CCDC106: variants seen among roughly 807,000 people sequenced by gnomAD.
CCDC106 encodes the protein coiled-coil domain containing 106.
CCDC106 carries 17 observed loss-of-function variants against 24.7 expected under a neutral mutation model. The observed-to-expected ratio is 0.69, with a 90% CI of 0.47 to 1.03. The LOEUF is 1.03. Among genes scored for constraint, CCDC106 ranks in the 50% least tolerant of loss-of-function variants. The pLI, the probability that CCDC106 is intolerant of heterozygous loss-of-function variation, is 0.00. For missense variants in CCDC106, 337 were observed against 388.9 expected, an observed-to-expected ratio of 0.87 and a Z score of 1.12; for synonymous variants, 211 against 161.3, an observed-to-expected ratio of 1.31 and a Z score of -2.34.
rs1276601080 is a variant in CCDC106, at chr19:55,648,684, G to A, written c.-363G>A. The stretch of plus-strand genomic sequence containing the variant: ...AGAGGGTCCTTCCCCTTCAGGCTAG[G>A]TGTCCCTGGTCAGGCGACCCCTTGG... On this transcript the variant is annotated 5_prime_UTR_variant, in exon 1 of 5. It adds an upstream start codon to the 5' untranslated region. Transcript: ENST00000586790. 2 of 368,978 alleles carry A rather than the reference G, an allele frequency of 5.4e-6. No individual in the cohort carries two copies. The highest frequency in any genetic ancestry group is 9.9e-6 in the Non-Finnish European group (2 of 201,300). The allele number at this position is 368,978 out of a possible 1,614,324, so 22.9% of individuals were successfully genotyped here. A position where few individuals can be genotyped will look rare whatever the true frequency, so the allele number is the denominator to read the frequency against.
rs115394234 is a variant in CCDC106 at position 55,649,755 on chromosome 19, G to A, written c.313+171G>A. On this transcript the variant is annotated intron_variant, in intron 3 of 4. Transcript: ENST00000586790. Reference sequence around the variant, plus strand: ...CCCAGGCCCAGCTGCCTCCTCACTTGATTCCAGGGCCTCATCCCCATGAAC... The same window carrying A: ...CCCAGGCCCAGCTGCCTCCTCACTTAATTCCAGGGCCTCATCCCCATGAAC... 2,561 of 621,456 alleles carry A rather than the reference G, an allele frequency of 4.1e-3. 20 individuals carry two copies. The highest frequency in any genetic ancestry group is 0.024 in the African/African-American group (1,319 of 54,238). 38.5% of individuals were successfully genotyped at this position (621,456 alleles called of 1,614,324 possible).
At position 55,648,762 on chromosome 19, in the gene CCDC106, C is replaced by T; in HGVS notation, c.-285C>T. On this transcript the variant is annotated 5_prime_UTR_variant, in exon 1 of 5. Coordinates refer to ENST00000586790, the MANE Select transcript of CCDC106 (RefSeq NM_001370470.1). ...TCCTTTTCCTTCGATACCCAGGAGC[C>T]CACGTCCCCAGCTCACTTCTCCCCC... 1.9e-6 allele frequency: 1 copy of T among 531,740 alleles called. No individual in the cohort carries two copies. Among genetic ancestry groups the T allele is most frequent in the Non-Finnish European group, 3.3e-6 (1 of 299,096 alleles). The allele number at this position is 531,740 out of a possible 1,614,324, so 32.9% of individuals were successfully genotyped here.
Position 55,648,820 on chromosome 19 carries a change from C to T in CCDC106, c.-227C>T, listed in dbSNP as rs1983038749. 5 of 601,472 alleles carry T rather than the reference C, an allele frequency of 8.3e-6. No individual in the cohort carries two copies. The South Asian group carries it at 9.9e-5, about 12-fold the overall frequency. The allele number at this position is 601,472 out of a possible 1,614,324, so 37.3% of individuals were successfully genotyped here. On this transcript the variant is annotated 5_prime_UTR_variant, in exon 1 of 5. Transcript: ENST00000586790. ...AGGCGGCTGGGCCCCCTGCCCCTGA[C>T]TCCAGGAGCCCAGGAGTTTGAAGCC... is the stretch of plus-strand genomic sequence containing the variant.
chr19:55,650,282 C>T (rs1983154569), intron 3 of CCDC106, among the ~76,000 whole-genome samples: 1 of 152,194 alleles, frequency 6.6e-6, no homozygotes, highest in Non-Finnish European at 1.5e-5. Context: ...GCCCAGATAG[C>T]TCCCACAGCA....
In CCDC106 at chr19:55,652,631, T is replaced by A; in HGVS notation, c.728T>A (p.Leu243Gln). 6.2e-7 allele frequency: 1 copy of A among 1,612,268 alleles called. No individual in the cohort carries two copies. Among genetic ancestry groups the A allele is most frequent in the East Asian group, 2.2e-5 (1 of 44,764 alleles). Residue 243 changes from leucine to glutamine, a missense_variant, in exon 5 of 5, where the codon CTG (leucine) becomes CAG (glutamine). Physicochemically the swap from Leu to Gln is moderately radical, Grantham distance 113 (BLOSUM62 -2). Around this residue, in one of 2 missense-constraint regions of CCDC106, gnomAD observed 103 missense variants for 152.4 expected, o/e 0.68. Transcript: ENST00000586790. This position sits in a 1 kb window ranked among gnomAD's most constrained non-coding sequence, Gnocchi z 5.9. Reference sequence around the variant, plus strand: ...GAGTTCGACCCCTCCAAGGAGCGCCTGCTCGAGTACTCCCGCCGCTGCTTT... The same window carrying A: ...GAGTTCGACCCCTCCAAGGAGCGCCAGCTCGAGTACTCCCGCCGCTGCTTT... Reference protein sequence around the residue: ...VGEFDPSKERLLEYSRRCFLA... With the variant: ...VGEFDPSKERQLEYSRRCFLA...
rs774132352 is a variant in CCDC106, at chr19:55,651,324, G to A, written c.355G>A (p.Gly119Arg). 6.2e-7 allele frequency: 1 copy of A among 1,613,594 alleles called. No homozygotes were observed. Among genetic ancestry groups the A allele is most frequent in the East Asian group, 2.2e-5 (1 of 44,874 alleles). Residue 119 changes from glycine (G) to arginine (R), a missense_variant, in exon 4 of 5, where the codon GGG becomes AGG. Transcript: ENST00000586790. ...GAAGCCTGGGCCCAGGCGGATGGAG[G>A]GGGACAGCCGTGGTGGGGCTGGGGG... ...RMKPGPRRME[G>R]DSRGGAGGEA...
At chr19:55,651,685 G>A (rs1307242573) in intron 4 of CCDC106, among the ~76,000 whole-genome samples, 190 bp downstream of exon 4, 1 of 151,082 alleles carries the variant, frequency 6.6e-6, no homozygotes, top group Non-Finnish European at 1.5e-5. Context: ...CGGGGGGGAC[G>A]TCTTGCCCCG....
At position 55,652,932 on chromosome 19, in the gene CCDC106, C is replaced by A; in HGVS notation, c.*186C>A. ...CGGCCCCTTCCCGAACGCCGGCACC[C>A]CCTTCCGCTTGGGCTGCCCAGCCCT... On this transcript the variant is annotated 3_prime_UTR_variant, in exon 5 of 5. Transcript: ENST00000586790. The surrounding 1 kb of genome is among the most constrained non-coding windows in gnomAD (Gnocchi z 5.9). The A allele has an allele frequency of 1.7e-6, 1 of 586,470 alleles. No individual in the cohort carries two copies. Among genetic ancestry groups the A allele is most frequent in the Non-Finnish European group, 3.0e-6 (1 of 333,252 alleles). The allele number at this position is 586,470 out of a possible 1,614,324, so 36.3% of individuals were successfully genotyped here.
chr19:55,650,152 C>T (rs1983146514), intron 3 of CCDC106, among the ~76,000 whole-genome samples: 1 of 152,174 alleles, frequency 6.6e-6, no homozygotes, highest in African/African-American at 2.4e-5. Context: ...CATTAAGTCC[C>T]TTCCTTTGTG....
At position 55,652,876 on chromosome 19, in the gene CCDC106, GCCC is replaced by G; in HGVS notation, c.*133_*135del. 1 of 817,046 alleles carries G rather than the reference GCCC, an allele frequency of 1.2e-6. No homozygotes were observed. Among genetic ancestry groups the G allele is most frequent in the Non-Finnish European group, 1.9e-6 (1 of 534,624 alleles). 50.6% of individuals were successfully genotyped at this position (817,046 alleles called of 1,614,324 possible). A position where few individuals can be genotyped will look rare whatever the true frequency, so the allele number is the denominator to read the frequency against. On this transcript the variant is annotated 3_prime_UTR_variant, in exon 5 of 5. Coordinates refer to ENST00000586790, the MANE Select transcript of CCDC106 (RefSeq NM_001370470.1). The surrounding 1 kb of genome is among the most constrained non-coding windows in gnomAD (Gnocchi z 5.9). ...CTGGGTTGGGGGCTCCCTTAGCCGGGCCCCCAAGCGCGACGGCCCCGGACCGGC... is the reference window on the plus strand; with the variant it reads ...CTGGGTTGGGGGCTCCCTTAGCCGGGCCAAGCGCGACGGCCCCGGACCGGC...
Position 55,651,440 on chromosome 19 carries a change from G to A in CCDC106, c.471G>A (p.Lys157=), listed in dbSNP as rs376434360. 1.1e-5 allele frequency: 17 copies of A among 1,605,052 alleles called. No homozygotes were observed. Among genetic ancestry groups the A allele is most frequent in the South Asian group, 7.8e-5 (7 of 89,726 alleles). The change falls in exon 4 of 5, where the codon AAG becomes AAA. Residue 157 remains lysine, a synonymous_variant. Transcript: ENST00000586790. ...GTGAGAGGAGGCGGCAGAAGCAGAA[G>A]GGAGGTGCTAGTCGGAGGCGCTTTG... ...SASERRRQKQ[K]GGASRRRFGK...
In CCDC106 at chr19:55,651,274, T is replaced by A. The variant is rs748589063; in HGVS notation, c.314-9T>A. 1 of 1,603,892 alleles carries A rather than the reference T, an allele frequency of 6.2e-7. No individual in the cohort carries two copies. Among genetic ancestry groups the A allele is most frequent in the Non-Finnish European group, 8.5e-7 (1 of 1,171,146 alleles). On this transcript the variant is annotated splice_polypyrimidine_tract_variant and intron_variant, in intron 3 of 4. Transcript: ENST00000586790. ...CCCTTGGTTCATGTGTGTGTCTCCA[T>A]CTCCCCAGAGGACCACTGCCGGATG...
At chr19:55,649,387 C>T in intron 2 of CCDC106, 21 bp from the exon 3 acceptor site, 2 of 1,613,656 alleles carry the variant, frequency 1.2e-6, no homozygotes, top group Non-Finnish European at 1.7e-6. Context: ...CCTGGTCCCC[C>T]CACCCTCGCT....
rs1983437466 is a variant in CCDC106 at position 55,652,954 on chromosome 19, C to G, written c.*208C>G. 1 of 557,576 alleles carries G rather than the reference C, an allele frequency of 1.8e-6. No individual in the cohort carries two copies. The highest frequency in any genetic ancestry group is 3.2e-6 in the Non-Finnish European group (1 of 315,310). The allele number at this position is 557,576 out of a possible 1,614,324, so 34.5% of individuals were successfully genotyped here. A position where few individuals can be genotyped will look rare whatever the true frequency, so the allele number is the denominator to read the frequency against. ...ACCCCCTTCCGCTTGGGCTGCCCAG[C>G]CCTGTCCTCGCCGGGCCCCTTCCTC... is the stretch of plus-strand genomic sequence containing the variant. On this transcript the variant is annotated 3_prime_UTR_variant, in exon 5 of 5. Transcript: ENST00000586790. The surrounding 1 kb of genome is among the most constrained non-coding windows in gnomAD (Gnocchi z 5.9).
At chr19:55,649,386 C>G in intron 2 of CCDC106, 22 bp from the exon 3 acceptor site, 1 of 1,613,806 alleles carries the variant, frequency 6.2e-7, no homozygotes, top group South Asian at 1.1e-5. Flanking sequence ...ACCTGGTCCC[C>G]CCACCCTCGC....
At position 55,653,010 on chromosome 19, in the gene CCDC106, C is replaced by CT. The variant is rs34379582; in HGVS notation, c.*265dup. On this transcript the variant is annotated 3_prime_UTR_variant, in exon 5 of 5. Transcript: ENST00000586790. ...AAACCAGGCAGGCGGGTGCCCCCCC[C>CT]TCGAGTGGGGGACTGTACAGACCCC... The CT allele has an allele frequency of 2.4e-5, 12 of 491,306 alleles. No individual in the cohort carries two copies. In the East Asian group the frequency reaches 4.2e-4, roughly 17 times the overall value. The allele number at this position is 491,306 out of a possible 1,614,324, so 30.4% of individuals were successfully genotyped here. A position where few individuals can be genotyped will look rare whatever the true frequency, so the allele number is the denominator to read the frequency against.
chr19:55,652,385 T>C lies in CCDC106; in HGVS notation c.527-45T>C. On this transcript the variant is annotated intron_variant, in intron 4 of 4. Coordinates refer to ENST00000586790, the MANE Select transcript of CCDC106 (RefSeq NM_001370470.1). The surrounding 1 kb of genome is among the most constrained non-coding windows in gnomAD (Gnocchi z 5.9). The stretch of plus-strand genomic sequence containing the variant: ...CCTTCCCGTGTCCGCCCCCTCAGTC[T>C]TGTGCCCTGCCCCTCACTTTCGTGT... The C allele has an allele frequency of 6.5e-7, 1 of 1,529,424 alleles. No homozygotes were observed. The highest frequency in any genetic ancestry group is 8.9e-7 in the Non-Finnish European group (1 of 1,123,148). 94.7% of individuals were successfully genotyped at this position (1,529,424 alleles called of 1,614,324 possible).
Position 55,649,507 on chromosome 19 carries a change from T to C in CCDC106, c.236T>C (p.Ile79Thr). 6.2e-7 allele frequency: 1 copy of C among 1,614,118 alleles called. No homozygotes were observed. Among genetic ancestry groups the C allele is most frequent in the South Asian group, 1.1e-5 (1 of 91,078 alleles). The change falls in exon 3 of 5, where the codon ATC becomes ACC. Residue 79 changes from isoleucine to threonine, a missense_variant. Transcript: ENST00000586790. ...AGGAACTCCTGGCTGCAGAAGCGCA[T>C]CGAGGACCTGGAGGAAGAGAGGGAC... ...LERNSWLQKR[I>T]EDLEEERDFL...
chr19:55,651,288 CA>C lies in CCDC106; in HGVS notation c.320del (p.His107ProfsTer4). 1 of 1,612,184 alleles carries C rather than the reference CA, an allele frequency of 6.2e-7. No individual in the cohort carries two copies. On this transcript the variant is annotated frameshift_variant, in exon 4 of 5. Coordinates refer to ENST00000586790, the MANE Select transcript of CCDC106 (RefSeq NM_001370470.1). LOFTEE classifies it high-confidence loss of function. ...GTGTGTCTCCATCTCCCCAGAGGACCACTGCCGGATGAAGCCTGGGCCCAGG... is the reference window on the plus strand; with the variant it reads ...GTGTGTCTCCATCTCCCCAGAGGACCCTGCCGGATGAAGCCTGGGCCCAGG... The part of the protein sequence containing the change: ...ISSARMEAED[H>X]CRMKPGPRRM...
Sources: gnomAD v4.1 joint callset for allele counts (sites outside exome capture counted in the v4.1 genomes callset) on GRCh38, gnomAD v4.1.1 for gene constraint, gnomAD v4.1.1 regional missense constraint, Gnocchi (gnomAD v3.1) non-coding constraint, MANE v1.5 for transcripts, NCBI Gene and HGNC (gene_info 2026-07-23, HGNC 2026-07-21) for gene names.